The following FLRT1 variants were observed in gnomAD, a reference collection of about 807,000 sequenced individuals.
The protein encoded by FLRT1 is leucine-rich repeat transmembrane protein FLRT1.
Under a neutral mutation model 30.9 loss-of-function variants are expected in FLRT1, and 14 were observed. The ratio of observed to expected loss-of-function variants is 0.45; its 90% CI spans 0.30 to 0.71. FLRT1 has a LOEUF of 0.71. Ranked by LOEUF, FLRT1 falls within the 30% of genes least tolerant of loss-of-function variation. The pLI, the probability that FLRT1 is intolerant of heterozygous loss-of-function variation, is 0.08. For missense variants in FLRT1, 737 were observed against 949.2 expected, an observed-to-expected ratio of 0.78 and a Z score of 2.94; for synonymous variants, 368 against 430.4, an observed-to-expected ratio of 0.85 and a Z score of 1.80.
At chr11:64,087,730 T>C (rs1944419269) in intron 1 of FLRT1, among the ~76,000 whole-genome samples, 1 of 152,212 alleles carries the variant, frequency 6.6e-6, no homozygotes, top group South Asian at 2.1e-4. Flanking sequence ...TTGTGGTCCC[T>C]CACCCTGTCC....
In FLRT1 at chr11:64,082,216, G is replaced by T. The variant is rs1052856866; in HGVS notation, c.-1037-20978G>T. On this transcript the variant is annotated intron_variant, in intron 1 of 2. Coordinates refer to ENST00000682287, the MANE Select transcript of FLRT1 (RefSeq NM_013280.5). The surrounding 1 kb of genome is among the most constrained non-coding windows in gnomAD (Gnocchi z 4.5). ...GGCGCGAAACATCCCTTAAATATTG[G>T]TGCTCTCGGCAGCACTGGGCCCCTG... Among the ~76,000 whole-genome samples the T allele has an allele frequency of 6.6e-6, 1 of 152,154 alleles. No homozygotes were observed. Among genetic ancestry groups the T allele is most frequent in the African/African-American group, 2.4e-5 (1 of 41,424 alleles).
chr11:64,103,591 A>AG lies in FLRT1; in HGVS notation c.-640_-639insG, dbSNP rs1403585870. 6.6e-6 allele frequency: 1 copy of AG among 151,884 alleles called. No individual in the cohort carries two copies. The highest frequency in any genetic ancestry group is 2.4e-5 in the African/African-American group (1 of 41,278). 9.4% of individuals were successfully genotyped at this position (151,884 alleles called of 1,614,324 possible). On this transcript the variant is annotated 5_prime_UTR_variant, in exon 2 of 3. Transcript: ENST00000682287. ...CCAAGTGACTTAAAGGAATTAAAAA[A>AG]AAAAAAAGCCTTGGTAAACAAAAAG...
rs569734924 is a variant in FLRT1, at chr11:64,103,088, A to T, written c.-1037-106A>T. Reference sequence around the variant, plus strand: ...CCATCTCAAAAAAAAAAACAAAAAAACAGGATCCAAAGCAAAGGGGGCTGC... The same window carrying T: ...CCATCTCAAAAAAAAAAACAAAAAATCAGGATCCAAAGCAAAGGGGGCTGC... On this transcript the variant is annotated intron_variant, in intron 1 of 2. Coordinates refer to ENST00000682287, the MANE Select transcript of FLRT1 (RefSeq NM_013280.5). 5 of 152,416 alleles carry T rather than the reference A, an allele frequency of 3.3e-5. No homozygotes were observed. In the East Asian group the frequency reaches 9.7e-4, roughly 30 times the overall value. 9.4% of individuals were successfully genotyped at this position (152,416 alleles called of 1,614,324 possible).
chr11:64,085,627 GC>G (rs1288909728), intron 1 of FLRT1, among the ~76,000 whole-genome samples: 1 of 152,238 alleles, frequency 6.6e-6, no homozygotes, highest in African/African-American at 2.4e-5. Flanking sequence ...TTGTTCCTCT[GC>G]CCCACATGGC....
intron 1 of FLRT1, among the ~76,000 whole-genome samples, chr11:64,087,437 A>G (rs1308061777): frequency 6.6e-6 from 1 of 152,154 alleles, no homozygotes; most frequent in Non-Finnish European, 1.5e-5. Flanking sequence ...TCTGCCTCCC[A>G]AGAAAGCCAG....
chr11:64,052,734 C>G (rs1943717084), intron 1 of FLRT1, among the ~76,000 whole-genome samples: 2 of 152,216 alleles, frequency 1.3e-5, no homozygotes, highest in African/African-American at 4.8e-5. Flanking sequence ...AACCTCCCAG[C>G]TTCTAGGGGT....
intron 2 of FLRT1, among the ~76,000 whole-genome samples, chr11:64,104,692 C>G (rs1325243421): frequency 1.3e-5 from 2 of 152,214 alleles, no homozygotes; most frequent in African/African-American, 4.8e-5. Flanking sequence ...TGATCCAAAG[C>G]TACTGCCCAA....
intron 1 of FLRT1, among the ~76,000 whole-genome samples, chr11:64,068,580 T>C (rs777440112): frequency 6.6e-6 from 1 of 152,240 alleles, no homozygotes; most frequent in Non-Finnish European, 1.5e-5. Context: ...TCCCATTTGA[T>C]TGGCAGATAA....
intron 2 of FLRT1, among the ~76,000 whole-genome samples, chr11:64,112,008 C>T (rs1180480630): frequency 6.6e-6 from 1 of 152,170 alleles, no homozygotes; most frequent in African/African-American, 2.4e-5. Flanking sequence ...CCTGCAGCCA[C>T]GCAGCCCTGG....
chr11:64,101,990 C>T (rs913415618), intron 1 of FLRT1, among the ~76,000 whole-genome samples: 1 of 152,178 alleles, frequency 6.6e-6, no homozygotes, highest in African/African-American at 2.4e-5. Context: ...GGGCAGCCAC[C>T]CCCCATCTGG....
chr11:64,066,294 CAAAAAAAAAAA>C (rs59963244), intron 1 of FLRT1, among the ~76,000 whole-genome samples: 2 of 50,936 alleles, frequency 3.9e-5, no homozygotes, highest in East Asian at 5.2e-4. Context: ...GAGACTGTCT[CAAAAAAAAAAA>C]AAAAAAAAAA....
At position 64,064,339 on chromosome 11, in the gene FLRT1, C is replaced by T. The variant is rs1943957377; in HGVS notation, c.-1038+28180C>T. Among the ~76,000 whole-genome samples, 1 of 152,158 alleles carries T rather than the reference C, an allele frequency of 6.6e-6. No homozygotes were observed. Among genetic ancestry groups the T allele is most frequent in the African/African-American group, 2.4e-5 (1 of 41,446 alleles). On this transcript the variant is annotated intron_variant, in intron 1 of 2. Transcript: ENST00000682287. The surrounding 1 kb of genome is among the most constrained non-coding windows in gnomAD (Gnocchi z 4.5). ...GGGTGATGTCTCATCAGAAGAGGGG[C>T]CTGCCTGTCCAGGTAGATCCTATGG... is the stretch of plus-strand genomic sequence containing the variant.
intron 1 of FLRT1, among the ~76,000 whole-genome samples, chr11:64,063,112 C>T (rs1484117389): frequency 1.3e-5 from 2 of 152,122 alleles, no homozygotes; most frequent in African/African-American, 2.4e-5. Flanking sequence ...CAGAGAACAA[C>T]GCGGGCAGCA....
Position 64,117,014 on chromosome 11 carries a change from C to A in FLRT1, c.747C>A (p.Asn249Lys), listed in dbSNP as rs1944997352. The A allele has an allele frequency of 6.2e-7, 1 of 1,612,682 alleles. No homozygotes were observed. Among genetic ancestry groups the A allele is most frequent in the Non-Finnish European group, 8.5e-7 (1 of 1,179,678 alleles). ...IADDTFSRLQNLTELSLVRNS... is the reference protein window; with the variant it reads ...IADDTFSRLQKLTELSLVRNS... Reference sequence around the variant, plus strand: ...ACGACACCTTCAGCCGCCTACAGAACCTCACAGAGCTCTCGCTGGTGCGCA... The same window carrying A: ...ACGACACCTTCAGCCGCCTACAGAAACTCACAGAGCTCTCGCTGGTGCGCA... The change falls in exon 3 of 3, where the codon AAC (asparagine) becomes AAA (lysine). Residue 249 changes from asparagine (N) to lysine (K), a missense_variant. Transcript: ENST00000682287.
chr11:64,064,941 T>C lies in FLRT1; in HGVS notation c.-1038+28782T>C, dbSNP rs1590859302. 1.3e-5 allele frequency among the ~76,000 whole-genome samples: 2 copies of C among 150,560 alleles called. No homozygotes were observed. The highest frequency in any genetic ancestry group is 6.6e-5 in the Admixed American group (1 of 15,170). ...AAGGCGGCAGGCAGGAGGGCCACCATGGTGACTGAGACAGACTCAGGGTCT... is the reference window on the plus strand; with the variant it reads ...AAGGCGGCAGGCAGGAGGGCCACCACGGTGACTGAGACAGACTCAGGGTCT... On this transcript the variant is annotated intron_variant, in intron 1 of 2. Transcript: ENST00000682287. This position sits in a 1 kb window ranked among gnomAD's most constrained non-coding sequence, Gnocchi z 4.5.
chr11:64,088,992 G>A (rs1292585760), intron 1 of FLRT1, among the ~76,000 whole-genome samples: 1 of 152,188 alleles, frequency 6.6e-6, no homozygotes, highest in Admixed American at 6.5e-5. Context: ...CAGACTCAGA[G>A]AGAGCCACCG....
At chr11:64,049,897 C>A (rs1445958693) in intron 1 of FLRT1, among the ~76,000 whole-genome samples, 1 of 152,234 alleles carries the variant, frequency 6.6e-6, no homozygotes, top group Non-Finnish European at 1.5e-5. Context: ...AAGGCTGTGT[C>A]CCAGACCAAG....
intron 2 of FLRT1, among the ~76,000 whole-genome samples, chr11:64,113,937 CGGAT>C (rs562555774): frequency 4.3e-3 from 287 of 66,586 alleles, no homozygotes; most frequent in Middle Eastern, 0.015. Context: ...GATTGATGCA[CGGAT>C]GGATGGATGG....
At chr11:64,114,050 TGATGCATGGATG>T (rs2134605176) in intron 2 of FLRT1, among the ~76,000 whole-genome samples, 1 of 68,354 alleles carries the variant, frequency 1.5e-5, no homozygotes, top group Admixed American at 1.3e-4. Flanking sequence ...ATGCATGGGT[TGATGCATGGATG>T]GATGGATGGA....
Sources: allele counts gnomAD v4.1 joint callset (sites outside exome capture counted in the v4.1 genomes callset), GRCh38; gene constraint gnomAD v4.1.1; non-coding constraint Gnocchi (gnomAD v3.1); transcripts MANE v1.5; gene names NCBI Gene and HGNC (gene_info 2026-07-23, HGNC 2026-07-21).